The following JAG1 variants were observed in gnomAD, a reference collection of about 807,000 sequenced individuals.
The protein encoded by JAG1 is protein jagged-1.
JAG1 carries 23 observed loss-of-function variants against 148.7 expected under a neutral mutation model. The observed-to-expected ratio is 0.15, with a 90% CI of 0.11 to 0.22. The LOEUF (loss-of-function observed/expected upper bound fraction) is 0.22. Ranked by LOEUF, JAG1 falls within the 10% of genes least tolerant of loss-of-function variation. The pLI is 1.00. For missense variants in JAG1, 1,054 were observed against 1,611.2 expected (o/e 0.65, Z 5.92); for synonymous variants, 572 against 598.3 (o/e 0.96, Z 0.64).
At chr20:10,642,377 T>C (rs537399186) in intron 21 of JAG1, 111 bp downstream of exon 21, 1 of 679,766 alleles carries the variant, frequency 1.5e-6, no homozygotes, top group African/African-American at 1.9e-5. Flanking sequence ...GTAGTCCCAC[T>C]GTGTGTTCCC....
rs200357843 is a variant in JAG1 at position 10,645,094 on chromosome 20, G to T, written c.2227+49C>A. On this transcript the variant is annotated intron_variant, in intron 17 of 25. Coordinates refer to ENST00000254958, the MANE Select transcript of JAG1 (RefSeq NM_000214.3). This position sits in a 1 kb window ranked among gnomAD's most constrained non-coding sequence, Gnocchi z 6.1. Reference sequence around the variant, plus strand: ...GCTCCAGGGGCCAACCAGCAGACACGCCCAGGTGGCCATGCCCACTGCAGA... The same window carrying T: ...GCTCCAGGGGCCAACCAGCAGACACTCCCAGGTGGCCATGCCCACTGCAGA... 2.0e-6 allele frequency: 3 copies of T among 1,528,394 alleles called. No homozygotes were observed. Among genetic ancestry groups the T allele is most frequent in the Non-Finnish European group, 2.7e-6 (3 of 1,101,958 alleles). 94.7% of individuals were successfully genotyped at this position (1,528,394 alleles called of 1,614,324 possible). A position where few individuals can be genotyped will look rare whatever the true frequency, so the allele number is the denominator to read the frequency against.
intron 23 of JAG1, 34 bp downstream of exon 23, chr20:10,641,426 A>C (rs1386336231): frequency 7.1e-6 from 11 of 1,555,098 alleles, no homozygotes; most frequent in Non-Finnish European, 9.7e-6. Context: ...GCAGACATCC[A>C]CCATTCAAAA....
rs2122623617 is a variant in JAG1 at position 10,658,572 on chromosome 20, T to C, written c.590A>G (p.Asn197Ser). Residue 197 changes from asparagine (N) to serine (S), a missense_variant, in exon 4 of 26, where the codon AAT (asparagine) becomes AGT (serine). Physicochemically the swap from Asn to Ser is conservative, Grantham distance 46. Coordinates refer to ENST00000254958, the MANE Select transcript of JAG1 (RefSeq NM_000214.3). ...CDDYYYGFGC[N>S]KFCRPRDDFF... ...GTCATCTCTGGGGCGGCAGAACTTA[T>C]TGCAGCCAAAGCCATAGTAGTAGTC... is the stretch of plus-strand genomic sequence containing the variant. The C allele has an allele frequency of 1.2e-6, 2 of 1,614,232 alleles. No homozygotes were observed. The highest frequency in any genetic ancestry group is 1.7e-6 in the Non-Finnish European group (2 of 1,180,032).
Position 10,652,480 on chromosome 20 carries a change from G to A in JAG1, c.874C>T (p.Leu292Phe). 6.2e-7 allele frequency: 1 copy of A among 1,614,054 alleles called. No homozygotes were observed. Among genetic ancestry groups the A allele is most frequent in the East Asian group, 2.2e-5 (1 of 44,870 alleles). The change falls in exon 6 of 26, where the codon CTC (leucine) becomes TTC (phenylalanine). Residue 292 changes from leucine to phenylalanine, a missense_variant. Transcript: ENST00000254958. ...CTAAGGGCCATACCTTTGTCACAGA[G>A]CTGGCCGCCCCAGTTGGTCTCACAG... Reference protein sequence around the residue: ...CLCETNWGGQLCDKDLNYCGT... With the variant: ...CLCETNWGGQFCDKDLNYCGT...
chr20:10,664,319 A>G (rs1158709831), intron 2 of JAG1, among the ~76,000 whole-genome samples: 1 of 151,280 alleles, frequency 6.6e-6, no homozygotes, highest in East Asian at 1.9e-4. Context: ...ATATGAGAGT[A>G]TTTAGCATAT....
intron 14 of JAG1, among the ~76,000 whole-genome samples, 157 bp downstream of exon 14, chr20:10,646,782 G>GCC (rs1322784412): frequency 6.6e-6 from 1 of 151,432 alleles, no homozygotes; most frequent in Non-Finnish European, 1.5e-5. Context: ...CCGAGATCGT[G>GCC]CCACTGCACT....
chr20:10,639,485 T>A lies in JAG1; in HGVS notation c.*13A>T. 1.2e-6 allele frequency: 2 copies of A among 1,611,764 alleles called. No homozygotes were observed. The highest frequency in any genetic ancestry group is 1.7e-6 in the Non-Finnish European group (2 of 1,177,728). ...CTCAGACTCTACCTAGCGGCGGCAG[T>A]GCCCGCGGTCTGCTATACGATGTAC... On this transcript the variant is annotated 3_prime_UTR_variant, in exon 26 of 26. Transcript: ENST00000254958.
intron 25 of JAG1, 43 bp downstream of exon 25, chr20:10,640,740 T>A (rs1468905322): frequency 6.3e-7 from 1 of 1,586,654 alleles, no homozygotes; most frequent in African/African-American, 1.3e-5. Flanking sequence ...TATAATGAGA[T>A]CATCTACTAT....
intron 3 of JAG1, among the ~76,000 whole-genome samples, chr20:10,660,158 C>G (rs2067406153): frequency 6.6e-6 from 1 of 152,150 alleles, no homozygotes. Flanking sequence ...TATAAGTGAC[C>G]AGGAGAGAAG....
chr20:10,655,623 A>G (rs1490292454), intron 5 of JAG1, among the ~76,000 whole-genome samples: 1 of 152,212 alleles, frequency 6.6e-6, no homozygotes, highest in Non-Finnish European at 1.5e-5. Context: ...CAAAAGTGAC[A>G]GGCTCAAAGG....
chr20:10,648,619 C>T lies in JAG1; in HGVS notation c.1499G>A (p.Gly500Asp). 6.2e-7 allele frequency: 1 copy of T among 1,614,004 alleles called. No individual in the cohort carries two copies. The change falls in exon 12 of 26, where the codon GGT (glycine) becomes GAT (aspartate). Residue 500 changes from glycine (G) to aspartate (D), a missense_variant. Coordinates refer to ENST00000254958, the MANE Select transcript of JAG1 (RefSeq NM_000214.3). ...TCTGTTGATTTCATTCTGACAGTGA[C>T]CCCCATTCAAACAGGGGTTGCTGGC... ...ECASNPCLNGGHCQNEINRFQ... is the reference protein window; with the variant it reads ...ECASNPCLNGDHCQNEINRFQ...
At position 10,641,529 on chromosome 20, in the gene JAG1, G is replaced by A. The variant is rs759480611; in HGVS notation, c.2847C>T (p.Thr949=). 1.9e-6 allele frequency: 3 copies of A among 1,614,116 alleles called. No homozygotes were observed. ...AGTTATCCTGGTAATAGGAGTCAGAGGTGCACTTTGTCTTCACCGGCTGGA... is the reference window on the plus strand; with the variant it reads ...AGTTATCCTGGTAATAGGAGTCAGAAGTGCACTTTGTCTTCACCGGCTGGA... ...SSLQPVKTKC[T]SDSYYQDNCA... is the part of the protein sequence containing the mutation. The change falls in exon 23 of 26, where the codon ACC becomes ACT. Residue 949 remains threonine, a synonymous_variant. Transcript: ENST00000254958.
Position 10,648,709 on chromosome 20 carries a change from C to A in JAG1, c.1409G>T (p.Gly470Val). The A allele has an allele frequency of 6.2e-7, 1 of 1,614,192 alleles. No homozygotes were observed. The highest frequency in any genetic ancestry group is 8.5e-7 in the Non-Finnish European group (1 of 1,180,014). The change falls in exon 12 of 26, where the codon GGT (glycine) becomes GTT (valine). Residue 470 changes from glycine (G) to valine (V), a missense_variant. Around this residue, in one of 6 missense-constraint regions of JAG1, gnomAD observed 245 missense variants for 373.1 expected, o/e 0.66. Coordinates refer to ENST00000254958, the MANE Select transcript of JAG1 (RefSeq NM_000214.3). Reference sequence around the variant, plus strand: ...GCCAGGTGGACAGATACAGCGATAACCATTAACCAAATCCTAGAAGAGGAG... The same window carrying A: ...GCCAGGTGGACAGATACAGCGATAAACATTAACCAAATCCTAGAAGAGGAG... ...NDASCRDLVN[G>V]YRCICPPGYA...
intron 2 of JAG1, among the ~76,000 whole-genome samples, chr20:10,671,865 G>A (rs1377972064): frequency 1.4e-4 from 22 of 152,096 alleles, no homozygotes; most frequent in Admixed American, 1.3e-3. Context: ...GGGGGATGAG[G>A]GCCTATCACT....
chr20:10,647,439 T>C (rs931261307), intron 13 of JAG1: 2 of 425,948 alleles, frequency 4.7e-6, no homozygotes, highest in African/African-American at 4.0e-5. Context: ...TCCTTTTTGA[T>C]CTTAAGCAAG....
chr20:10,648,826 C>T (rs2067326330), intron 11 of JAG1, 104 bp from the exon 12 acceptor site: 1 of 1,177,946 alleles, frequency 8.5e-7, no homozygotes, highest in Non-Finnish European at 1.2e-6. Flanking sequence ...TTAGCTGGTT[C>T]ACTGAAATAG....
chr20:10,667,655 C>T (rs2067464000), intron 2 of JAG1, among the ~76,000 whole-genome samples: 1 of 152,078 alleles, frequency 6.6e-6, no homozygotes, highest in South Asian at 2.1e-4. Context: ...TAGGGCTTGA[C>T]ATGTCAATAG....
At chr20:10,668,039 G>A (rs1294810214) in intron 2 of JAG1, among the ~76,000 whole-genome samples, 6 of 147,462 alleles carry the variant, frequency 4.1e-5, no homozygotes, top group African/African-American at 7.5e-5. Context: ...GCCACCTTGC[G>A]GAATTTCTTC....
intron 5 of JAG1, among the ~76,000 whole-genome samples, chr20:10,654,161 T>C (rs1435846042): frequency 6.6e-6 from 1 of 152,120 alleles, no homozygotes; most frequent in Non-Finnish European, 1.5e-5. Flanking sequence ...CTTATTCTCT[T>C]CCAAATTCAG....
Sources: gnomAD v4.1 joint callset for allele counts (sites outside exome capture counted in the v4.1 genomes callset) on GRCh38, gnomAD v4.1.1 for gene constraint, gnomAD v4.1.1 regional missense constraint, Gnocchi (gnomAD v3.1) non-coding constraint, MANE v1.5 for transcripts, NCBI Gene and HGNC (gene_info 2026-07-23, HGNC 2026-07-21) for gene names.